DPP10: variants seen among roughly 807,000 people sequenced by gnomAD.
DPP10 encodes inactive dipeptidyl peptidase 10.
DPP10 carries 33 observed loss-of-function variants against 120.9 expected under a neutral mutation model. The observed-to-expected ratio is 0.27, with a 90% CI of 0.21 to 0.37. The LOEUF is 0.37. DPP10 is among the 10% of genes least tolerant of loss of function. DPP10 has a pLI of 1.00. For synonymous variants in DPP10, 337 were observed against 326.1 expected, an observed-to-expected ratio of 1.03 and a Z score of -0.36; for missense variants, 816 against 942.8, an observed-to-expected ratio of 0.87 and a Z score of 1.76.
chr2:115,330,097 C>A (rs941226303), intron 2 of DPP10, among the ~76,000 whole-genome samples: 1 of 152,036 alleles, frequency 6.6e-6, no homozygotes, highest in Non-Finnish European at 1.5e-5. Context: ...TCTCCAGCAC[C>A]TGTTGTTTCC....
chr2:114,506,323 C>T (rs1057413423), intron 1 of DPP10, among the ~76,000 whole-genome samples: 4 of 152,170 alleles, frequency 2.6e-5, no homozygotes, highest in South Asian at 2.1e-4. Context: ...GAGAGGAATC[C>T]GGCCGTTCCT....
intron 1 of DPP10, among the ~76,000 whole-genome samples, chr2:114,916,001 A>G (rs1694772327): frequency 6.6e-6 from 1 of 152,116 alleles, no homozygotes; most frequent in African/African-American, 2.4e-5. Context: ...GCTGAATTGA[A>G]TGAAACTTAC....
intron 1 of DPP10, among the ~76,000 whole-genome samples, chr2:114,776,950 A>G (rs1681800350): frequency 6.6e-6 from 1 of 152,024 alleles, no homozygotes; most frequent in Admixed American, 6.6e-5. Context: ...AGGCATAAGA[A>G]TTTCTGCCAA....
chr2:115,357,972 AG>A (rs1444253119), intron 3 of DPP10, among the ~76,000 whole-genome samples: 3 of 152,070 alleles, frequency 2.0e-5, no homozygotes, highest in South Asian at 2.1e-4. Context: ...TATACACAGC[AG>A]GGGGGCCTTG....
chr2:115,509,714 A>ATACTACTAATGTTG (rs2077127797), intron 4 of DPP10, among the ~76,000 whole-genome samples: 1 of 152,074 alleles, frequency 6.6e-6, no homozygotes, highest in Admixed American at 6.6e-5. Context: ...AACAAAACAA[A>ATACTACTAATGTTG]GGTAGTCTCC....
rs1274189921 is a variant in DPP10, at chr2:115,719,352, T to C, written c.577-8464T>C. 2.0e-5 allele frequency among the ~76,000 whole-genome samples: 3 copies of C among 152,328 alleles called. No homozygotes were observed. The East Asian group carries it at 5.8e-4, about 29-fold the overall frequency. On this transcript the variant is annotated intron_variant, in intron 7 of 25. Transcript: ENST00000410059. ...AGAACTCTTTGAAAGGGCTTCCTGA[T>C]ATGAATAATTGCAAATGTCAAGGGA...
At chr2:115,758,511 A>G (rs1336096703) in intron 11 of DPP10, among the ~76,000 whole-genome samples, 1 of 152,142 alleles carries the variant, frequency 6.6e-6, no homozygotes, top group African/African-American at 2.4e-5. Flanking sequence ...TATTGTTAAG[A>G]TATTAATTCT....
intron 5 of DPP10, among the ~76,000 whole-genome samples, chr2:115,641,175 T>C (rs985174961): frequency 2.0e-5 from 3 of 152,146 alleles, no homozygotes; most frequent in African/African-American, 7.2e-5. Flanking sequence ...TTTCTACCAG[T>C]TTACTACCAC....
At chr2:114,701,394 G>A (rs1235970955) in intron 1 of DPP10, among the ~76,000 whole-genome samples, 1 of 152,088 alleles carries the variant, frequency 6.6e-6, no homozygotes, top group East Asian at 1.9e-4. Context: ...GGCAGGATTT[G>A]AATTCAGGGC....
chr2:115,665,005 T>C (rs1291820527), intron 5 of DPP10, among the ~76,000 whole-genome samples: 2 of 152,178 alleles, frequency 1.3e-5, no homozygotes, highest in Non-Finnish European at 2.9e-5. Context: ...CACTGAACAT[T>C]TATATCATTG....
At chr2:115,364,670 CTTAGCAATGT>C (rs2064982924) in intron 3 of DPP10, among the ~76,000 whole-genome samples, 1 of 143,748 alleles carries the variant, frequency 7.0e-6, no homozygotes, top group Non-Finnish European at 1.5e-5. Flanking sequence ...GACTTTTATG[CTTAGCAATGT>C]TTGGATTCCA....
chr2:115,617,898 T>C (rs1228290218), intron 5 of DPP10, among the ~76,000 whole-genome samples: 2 of 152,206 alleles, frequency 1.3e-5, no homozygotes, highest in Non-Finnish European at 2.9e-5. Flanking sequence ...AATAGAACTA[T>C]TGTAACAATA....
At chr2:115,636,952 A>G (rs1383944424) in intron 5 of DPP10, among the ~76,000 whole-genome samples, 1 of 152,176 alleles carries the variant, frequency 6.6e-6, no homozygotes. Context: ...CCTCTCAGCA[A>G]CAGCCATTAG....
At chr2:115,094,834 C>T (rs938260974) in intron 1 of DPP10, among the ~76,000 whole-genome samples, 8 of 152,118 alleles carry the variant, frequency 5.3e-5, no homozygotes, top group Non-Finnish European at 7.4e-5. Context: ...TTTTAACTTA[C>T]GAGGGTTTAA....
intron 10 of DPP10, among the ~76,000 whole-genome samples, chr2:115,749,713 T>C (rs1678460732): frequency 6.6e-6 from 1 of 152,176 alleles, no homozygotes; most frequent in Non-Finnish European, 1.5e-5. Context: ...ACCATCACAA[T>C]ATACTTATGG....
chr2:115,244,235 TATATAGAGAGAGAGAGAGAGAG>T (rs1406506415), intron 1 of DPP10, among the ~76,000 whole-genome samples: 1,373 of 54,030 alleles, frequency 0.025, 17 homozygotes, highest in African/African-American at 0.11. Context: ...TATATATATA[TATATAGAGAGAGAGAGAGAGAG>T]AGAGAGAGAG....
At chr2:114,641,285 C>A (rs926122505) in intron 1 of DPP10, among the ~76,000 whole-genome samples, 5 of 151,960 alleles carry the variant, frequency 3.3e-5, no homozygotes, top group Admixed American at 6.5e-5. Context: ...TCAACTCCGA[C>A]CTTTGTCTTT....
intron 1 of DPP10, among the ~76,000 whole-genome samples, chr2:114,600,935 A>T (rs1692311289): frequency 6.6e-6 from 1 of 151,868 alleles, no homozygotes; most frequent in Non-Finnish European, 1.5e-5. Context: ...GAGGAAGAAG[A>T]AACAGGAACA....
At chr2:115,374,622 C>G (rs1034549025) in intron 3 of DPP10, among the ~76,000 whole-genome samples, 1 of 152,188 alleles carries the variant, frequency 6.6e-6, no homozygotes, top group African/African-American at 2.4e-5. Flanking sequence ...ATGAGGGCTC[C>G]GCACATGCAG....
Sources: allele counts gnomAD v4.1 joint callset (sites outside exome capture counted in the v4.1 genomes callset), GRCh38; gene constraint gnomAD v4.1.1; transcripts MANE v1.5; gene names NCBI Gene and HGNC (gene_info 2026-07-23, HGNC 2026-07-21).